The following AATK variants were observed in gnomAD, a reference collection of about 807,000 sequenced individuals.
The protein encoded by AATK is lemur tail kinase 1, also known as serine/threonine-protein kinase LMTK1.
In AATK, 91 loss-of-function variants were observed where a neutral mutation model predicts 114.3. That is an observed-to-expected ratio of 0.80 (90% CI 0.67 to 0.95). The LOEUF is 0.95. Ranked by LOEUF, AATK falls within the 40% of genes least tolerant of loss-of-function variation. The probability of loss-of-function intolerance (pLI) is 0.00; values close to 1 mark genes in which losing one functional copy is unlikely to be tolerated. For missense variants in AATK, 2,176 were observed against 1,965.2 expected (o/e 1.11, Z -2.03); for synonymous variants, 1,075 against 916.5 (o/e 1.17, Z -3.12).
At chr17:81,165,779 G>A in intron 1 of AATK, 159 bp downstream of exon 1, 1 of 1,507,230 alleles carries the variant, frequency 6.6e-7, no homozygotes, top group Non-Finnish European at 8.9e-7. Context: ...CTGCCCCTCC[G>A]AGATCTGGGG....
rs772773081 is a variant in AATK at position 81,121,688 on chromosome 17, A to G, written c.2248T>C (p.Ser750Pro). 1.6e-5 allele frequency: 24 copies of G among 1,497,878 alleles called. No homozygotes were observed. Among genetic ancestry groups the G allele is most frequent in the East Asian group, 2.4e-5 (1 of 41,516 alleles). 92.8% of individuals were successfully genotyped at this position (1,497,878 alleles called of 1,614,324 possible). The part of the protein sequence containing the change: ...GCCPGLPHLC[S>P]AQGLAPAPCL... ...GGAGCAGGTGCCAGGCCCTGGGCAG[A>G]GCATAGATGAGGGAGGCCGGGGCAG... Residue 750 changes from serine to proline, a missense_variant, in exon 11 of 14, where the codon TCT becomes CCT. Ser to Pro is a moderately conservative substitution (Grantham distance 74). Around this residue, in one of 4 missense-constraint regions of AATK, gnomAD observed 1,701 missense variants for 1,394.7 expected, o/e 1.22. Coordinates refer to ENST00000326724, the MANE Select transcript of AATK (RefSeq NM_001080395.3).
Position 81,124,768 on chromosome 17 carries a change from G to A in AATK, c.921C>T (p.Ser307=). The A allele has an allele frequency of 6.2e-7, 1 of 1,612,912 alleles. No homozygotes were observed. Among genetic ancestry groups the A allele is most frequent in the South Asian group, 1.1e-5 (1 of 91,092 alleles). ...IAPELVDEVH[S]NLLVVDQTKS... is the part of the protein sequence containing the mutation. ...TGGTCTGGTCCACGACGAGCAGGTT[G>A]CTATGCACCTCGTCCACCAGCTCTG... The change falls in exon 9 of 14, where the codon AGC becomes AGT. Residue 307 remains serine, a synonymous_variant. Transcript: ENST00000326724.
At chr17:81,140,693 GT>G (rs559241018) in intron 1 of AATK, among the ~76,000 whole-genome samples, 22 of 125,922 alleles carry the variant, frequency 1.7e-4, no homozygotes, top group African/African-American at 5.8e-4. Context: ...CCGTGGGGCC[GT>G]TGAGCTGTGG....
intron 1 of AATK, among the ~76,000 whole-genome samples, chr17:81,151,750 C>T (rs1001039940): frequency 5.3e-5 from 8 of 152,196 alleles, no homozygotes; most frequent in Non-Finnish European, 8.8e-5. Flanking sequence ...CAGAGGGTTG[C>T]ATCGTGTTAG....
Position 81,119,538 on chromosome 17 carries a change from G to C in AATK, c.3926C>G (p.Ala1309Gly). The change falls in exon 13 of 14, where the codon GCC becomes GGC. Residue 1309 changes from alanine (A) to glycine (G), a missense_variant. By Grantham distance (60) the Ala-to-Gly change is moderately conservative. This residue lies in a region of AATK where 1,701 missense variants were observed against 1,394.7 expected (regional missense o/e 1.22). Transcript: ENST00000326724. ...AWDDDFPLMTAKAAFAMALDP... is the reference protein window; with the variant it reads ...AWDDDFPLMTGKAAFAMALDP... ...TAGGGCCATGGCGAAGGCTGCCTTG[G>C]CCGTCATCAGCGGGAAGTCGTCGTC... 1 of 1,580,066 alleles carries C rather than the reference G, an allele frequency of 6.3e-7. No individual in the cohort carries two copies. The highest frequency in any genetic ancestry group is 2.4e-5 in the East Asian group (1 of 42,402).
intron 1 of AATK, among the ~76,000 whole-genome samples, chr17:81,158,618 C>A (rs1169352526): frequency 6.6e-6 from 1 of 152,192 alleles, no homozygotes; most frequent in African/African-American, 2.4e-5. Flanking sequence ...CACAGGCCAG[C>A]TGGCCAGGGC....
chr17:81,133,877 C>T lies in AATK; in HGVS notation c.189+491G>A, dbSNP rs574901175. 1.6e-4 allele frequency among the ~76,000 whole-genome samples: 25 copies of T among 152,296 alleles called. No homozygotes were observed. The East Asian group carries it at 3.1e-3, about 19-fold the overall frequency. On this transcript the variant is annotated intron_variant, in intron 2 of 13. Coordinates refer to ENST00000326724, the MANE Select transcript of AATK (RefSeq NM_001080395.3). Reference sequence around the variant, plus strand: ...CCCCTCCAGAAGGCAGAAGATACCCCGCGCAAGGTGACTCCAACTGGCAAG... The same window carrying T: ...CCCCTCCAGAAGGCAGAAGATACCCTGCGCAAGGTGACTCCAACTGGCAAG...
intron 7 of AATK, chr17:81,125,458 T>C: frequency 2.6e-6 from 1 of 388,364 alleles, no homozygotes. Flanking sequence ...GCTGCCGGAG[T>C]CCAGTTTTAG....
intron 1 of AATK, chr17:81,160,212 A>C (rs906182): frequency 1.0e-6 from 1 of 977,052 alleles, no homozygotes. Context: ...CACAGCCCGC[A>C]TCCTCCCAGA....
In AATK at chr17:81,163,436, C is replaced by T. The variant is rs149243102; in HGVS notation, c.55+2502G>A. Among the ~76,000 whole-genome samples the T allele has an allele frequency of 7.9e-4, 120 of 152,342 alleles. 1 individual carries two copies. The highest frequency in any genetic ancestry group is 2.5e-3 in the African/African-American group (104 of 41,562). ...CCCCCATCACCCTGCTTTTCCTGGC[C>T]GCCATGCCCACACTAGTCTCCCCAG... On this transcript the variant is annotated intron_variant, in intron 1 of 13. Transcript: ENST00000326724.
At chr17:81,147,360 CAAAAAAA>C (rs59460030) in intron 1 of AATK, among the ~76,000 whole-genome samples, 1 of 54,930 alleles carries the variant, frequency 1.8e-5, no homozygotes, top group Non-Finnish European at 3.9e-5. Context: ...GACTCCATCT[CAAAAAAA>C]AAAAAAAAAA....
chr17:81,161,910 G>A (rs1313551487), intron 1 of AATK, among the ~76,000 whole-genome samples: 2 of 152,176 alleles, frequency 1.3e-5, no homozygotes, highest in African/African-American at 4.8e-5. Flanking sequence ...ACCCCAGCCA[G>A]CTCTGGGGCA....
chr17:81,119,470 C>CGGGCAT lies in AATK; in HGVS notation c.3993_3994insATGCCC (p.Pro1331_Ala1332insMetPro), dbSNP rs746215042. On this transcript the variant is annotated inframe_insertion, in exon 13 of 14. Coordinates refer to ENST00000326724, the MANE Select transcript of AATK (RefSeq NM_001080395.3). Reference sequence around the variant, plus strand: ...GACACCGTGAAGCGCGAGAAGGGAGCGGGCGTGGGCGTGGGCGCAGCCGGG... The same window carrying CGGGCAT: ...GACACCGTGAAGCGCGAGAAGGGAGCGGGCATGGGCGTGGGCGTGGGCGCAGCCGGG... The CGGGCAT allele has an allele frequency of 4.4e-5, 66 of 1,505,720 alleles. No homozygotes were observed. The African/African-American group carries it at 8.9e-4, about 20-fold the overall frequency. 93.3% of individuals were successfully genotyped at this position (1,505,720 alleles called of 1,614,324 possible).
Position 81,121,760 on chromosome 17 carries a change from C to G in AATK, c.2176G>C (p.Glu726Gln). The G allele has an allele frequency of 6.6e-7, 1 of 1,523,830 alleles. No individual in the cohort carries two copies. Among genetic ancestry groups the G allele is most frequent in the Non-Finnish European group, 8.8e-7 (1 of 1,139,448 alleles). 94.4% of individuals were successfully genotyped at this position (1,523,830 alleles called of 1,614,324 possible). ...GCTGCCTGGAGCCCAAGCAGAGGCT[C>G]TCCAGGGTACCCCGGCTCGGGGGAG... is the stretch of plus-strand genomic sequence containing the variant. ...RASPEPGYPG[E>Q]PLLGLQAASA... is the part of the protein sequence containing the mutation. The change falls in exon 11 of 14, where the codon GAG becomes CAG. Residue 726 changes from glutamate to glutamine, a missense_variant. By Grantham distance (29) the Glu-to-Gln change is conservative. This residue lies in a region of AATK where 1,701 missense variants were observed against 1,394.7 expected (regional missense o/e 1.22). Transcript: ENST00000326724.
chr17:81,132,243 G>A (rs1480438317), intron 2 of AATK, among the ~76,000 whole-genome samples: 1 of 152,232 alleles, frequency 6.6e-6, no homozygotes, highest in Admixed American at 6.5e-5. Context: ...GGAAGCTGAG[G>A]CTCAGAGGAG....
In AATK at chr17:81,126,623, C is replaced by T. The variant is rs2060830411; in HGVS notation, c.622-63G>A. ...GGGGGCTGGCCACCCTGGGAGGTCC[C>T]CACCTACCTCCCCAACTCCTCCACC... On this transcript the variant is annotated intron_variant, in intron 6 of 13. Coordinates refer to ENST00000326724, the MANE Select transcript of AATK (RefSeq NM_001080395.3). The surrounding 1 kb of genome is among the most constrained non-coding windows in gnomAD (Gnocchi z 5.1). 6.7e-7 allele frequency: 1 copy of T among 1,501,314 alleles called. No individual in the cohort carries two copies. The highest frequency in any genetic ancestry group is 1.4e-5 in the African/African-American group (1 of 72,052). The allele number at this position is 1,501,314 out of a possible 1,614,324, so 93.0% of individuals were successfully genotyped here.
At chr17:81,119,283 T>TGGCCC in intron 13 of AATK, 97 bp downstream of exon 13, 1 of 1,221,066 alleles carries the variant, frequency 8.2e-7, no homozygotes, top group East Asian at 3.2e-5. Context: ...GAGCCGGGGC[T>TGGCCC]GGCCCGGCCC....
chr17:81,156,739 A>G lies in AATK; in HGVS notation c.55+9199T>C, dbSNP rs113120063. On this transcript the variant is annotated intron_variant, in intron 1 of 13. Coordinates refer to ENST00000326724, the MANE Select transcript of AATK (RefSeq NM_001080395.3). Reference sequence around the variant, plus strand: ...ATCTTTTAAATCATTTTTTTCCTGAATTCGGTTTTTGGAATTTTGACCTTT... The same window carrying G: ...ATCTTTTAAATCATTTTTTTCCTGAGTTCGGTTTTTGGAATTTTGACCTTT... Among the ~76,000 whole-genome samples the G allele has an allele frequency of 1.8e-3, 267 of 152,250 alleles. 1 individual carries two copies. Among genetic ancestry groups the G allele is most frequent in the African/African-American group, 6.0e-3 (249 of 41,532 alleles).
At chr17:81,130,923 C>A (rs570608532) in intron 3 of AATK, 138 bp downstream of exon 3, 12 of 1,093,624 alleles carry the variant, frequency 1.1e-5, no homozygotes, top group Non-Finnish European at 1.4e-5. Flanking sequence ...CTGCACACTG[C>A]GTCTACCCCA....
Sources: gnomAD v4.1 joint callset for allele counts (sites outside exome capture counted in the v4.1 genomes callset) on GRCh38, gnomAD v4.1.1 for gene constraint, gnomAD v4.1.1 regional missense constraint, Gnocchi (gnomAD v3.1) non-coding constraint, MANE v1.5 for transcripts, NCBI Gene and HGNC (gene_info 2026-07-23, HGNC 2026-07-21) for gene names.